The following FAM114A1 variants were observed in gnomAD, a reference collection of about 807,000 sequenced individuals.
The protein encoded by FAM114A1 is protein NOXP20.
In FAM114A1, 62 loss-of-function variants were observed where a neutral mutation model predicts 64.3. That is an observed-to-expected ratio of 0.96 (90% CI 0.79 to 1.19). FAM114A1 has a LOEUF of 1.19. FAM114A1 is among the 50% of genes most tolerant of loss of function. The probability of loss-of-function intolerance (pLI) is 0.00; values close to 1 mark genes in which losing one functional copy is unlikely to be tolerated. For missense variants in FAM114A1, 645 were observed against 676.3 expected, an observed-to-expected ratio of 0.95 and a Z score of 0.51; for synonymous variants, 254 against 251.1, an observed-to-expected ratio of 1.01 and a Z score of -0.11.
intron 3 of FAM114A1, among the ~76,000 whole-genome samples, chr4:38,883,519 C>A (rs992766964): frequency 6.6e-6 from 1 of 152,152 alleles, no homozygotes; most frequent in African/African-American, 2.4e-5. Flanking sequence ...TCAACACCAA[C>A]GCATAAGGCC....
At chr4:38,915,967 G>A (rs1719015747) in intron 8 of FAM114A1, among the ~76,000 whole-genome samples, 1 of 152,202 alleles carries the variant, frequency 6.6e-6, no homozygotes, top group African/African-American at 2.4e-5. Flanking sequence ...CTCCAGAGAG[G>A]GAGGGGCCGT....
chr4:38,878,473 A>G (rs768556010), intron 3 of FAM114A1, 47 bp downstream of exon 3: 4 of 1,513,492 alleles, frequency 2.6e-6, no homozygotes, highest in Non-Finnish European at 3.6e-6. Context: ...TCTTGCTTAT[A>G]TCTACCGTGT....
At chr4:38,931,176 C>G (rs1720596241) in intron 10 of FAM114A1, among the ~76,000 whole-genome samples, 1 of 152,132 alleles carries the variant, frequency 6.6e-6, no homozygotes, top group African/African-American at 2.4e-5. Flanking sequence ...TTATTCTTAT[C>G]TGAATATCAT....
At chr4:38,903,504 A>G (rs1027590005) in intron 4 of FAM114A1, among the ~76,000 whole-genome samples, 8 of 152,194 alleles carry the variant, frequency 5.3e-5, no homozygotes, top group Non-Finnish European at 7.3e-5. Context: ...GCTCTCAGAA[A>G]TCTAGACGAG....
rs1719801767 is a variant in FAM114A1, at chr4:38,923,338, C to T, written c.1069+445C>T. On this transcript the variant is annotated intron_variant, in intron 9 of 14. Coordinates refer to ENST00000358869, the MANE Select transcript of FAM114A1 (RefSeq NM_138389.4). ...TCCCGGGTTCAAGTGATTCTCCTGC[C>T]TCAGTCTCCTGAGTAGCTGGGATAC... Among the ~76,000 whole-genome samples the T allele has an allele frequency of 2.6e-5, 4 of 151,704 alleles. No individual in the cohort carries two copies. In the South Asian group the frequency reaches 8.3e-4, roughly 31 times the overall value.
chr4:38,922,954 G>A, intron 9 of FAM114A1, 61 bp downstream of exon 9: 2 of 1,534,904 alleles, frequency 1.3e-6, no homozygotes, highest in South Asian at 1.3e-5. Flanking sequence ...CGAAACTGCT[G>A]TTAATGAACA....
intron 7 of FAM114A1, among the ~76,000 whole-genome samples, 196 bp downstream of exon 7, chr4:38,908,922 G>A (rs2109691442): frequency 6.6e-6 from 1 of 152,264 alleles, no homozygotes; most frequent in South Asian, 2.1e-4. Flanking sequence ...CCAGTTAACA[G>A]TTCCTTAAGG....
At chr4:38,909,160 A>G (rs1169955160) in intron 7 of FAM114A1, among the ~76,000 whole-genome samples, 2 of 152,208 alleles carry the variant, frequency 1.3e-5, no homozygotes, top group African/African-American at 4.8e-5. Flanking sequence ...TATGCATCCC[A>G]TCTCTACCAC....
intron 7 of FAM114A1, among the ~76,000 whole-genome samples, chr4:38,912,091 C>A (rs1718610297): frequency 6.6e-6 from 1 of 151,876 alleles, no homozygotes; most frequent in Middle Eastern, 3.2e-3. Context: ...GAACTCCTGA[C>A]CTCAAGTGAT....
Position 38,908,674 on chromosome 4 carries a change from C to T in FAM114A1, c.740C>T (p.Pro247Leu), listed in dbSNP as rs756588177. ...KTMNVLAESD[P>L]GFKRTKTLME... ...ATGAATGTCCTTGCAGAAAGTGACCCGGGCTTTAAGCGGACCAAGACGCTC... is the reference window on the plus strand; with the variant it reads ...ATGAATGTCCTTGCAGAAAGTGACCTGGGCTTTAAGCGGACCAAGACGCTC... Residue 247 changes from proline (P) to leucine (L), a missense_variant, in exon 7 of 15, where the codon CCG (proline) becomes CTG (leucine). Transcript: ENST00000358869. 8.1e-6 allele frequency: 13 copies of T among 1,613,222 alleles called. No individual in the cohort carries two copies. The highest frequency in any genetic ancestry group is 1.3e-5 in the African/African-American group (1 of 75,006).
intron 3 of FAM114A1, among the ~76,000 whole-genome samples, chr4:38,890,449 G>A (rs1038722030): frequency 6.6e-6 from 1 of 151,436 alleles, no homozygotes; most frequent in African/African-American, 2.4e-5. Context: ...AGTTGGGGAT[G>A]ACTAATGGAC....
intron 3 of FAM114A1, among the ~76,000 whole-genome samples, chr4:38,882,904 G>A (rs963166035): frequency 1.3e-5 from 2 of 152,236 alleles, no homozygotes; most frequent in African/African-American, 4.8e-5. Context: ...GAGTCAAGGA[G>A]GAGGCCACCT....
chr4:38,932,043 G>A (rs766725490), intron 11 of FAM114A1, among the ~76,000 whole-genome samples, 192 bp from the exon 12 acceptor site: 11 of 152,354 alleles, frequency 7.2e-5, no homozygotes, highest in East Asian at 3.9e-4. Flanking sequence ...TGCCACATCC[G>A]TGGGGGCTTT....
intron 7 of FAM114A1, among the ~76,000 whole-genome samples, chr4:38,911,195 C>G (rs7657170): frequency 6.6e-6 from 1 of 151,996 alleles, no homozygotes; most frequent in Non-Finnish European, 1.5e-5. Context: ...ACCAGGATGC[C>G]GGTCCCACCC....
chr4:38,941,805 A>G (rs527511365), intron 14 of FAM114A1, among the ~76,000 whole-genome samples: 4 of 152,232 alleles, frequency 2.6e-5, no homozygotes, highest in Non-Finnish European at 5.9e-5. Flanking sequence ...TGCATATATC[A>G]TAGGATTTTG....
chr4:38,868,128 G>C, intron 1 of FAM114A1: 1 of 247,556 alleles, frequency 4.0e-6, no homozygotes. Context: ...CACACTCAGG[G>C]TCTGCCCCCT....
At chr4:38,931,048 T>C (rs1274765239) in intron 10 of FAM114A1, among the ~76,000 whole-genome samples, 2 of 152,226 alleles carry the variant, frequency 1.3e-5, no homozygotes, top group African/African-American at 2.4e-5. Context: ...ACATTTGCTG[T>C]AGCCGCGGCC....
intron 9 of FAM114A1, among the ~76,000 whole-genome samples, chr4:38,928,003 G>T (rs939471830): frequency 3.9e-5 from 6 of 152,156 alleles, no homozygotes; most frequent in Non-Finnish European, 8.8e-5. Flanking sequence ...TTTGATTATT[G>T]ATCTGTTTCC....
intron 12 of FAM114A1, among the ~76,000 whole-genome samples, chr4:38,933,346 A>G (rs542583059): frequency 6.6e-6 from 1 of 152,326 alleles, no homozygotes; most frequent in African/African-American, 2.4e-5. Context: ...CAACATATAC[A>G]TGAATAGAGA....
Sources: gnomAD v4.1 joint callset for allele counts (sites outside exome capture counted in the v4.1 genomes callset) on GRCh38, gnomAD v4.1.1 for gene constraint, MANE v1.5 for transcripts, NCBI Gene and HGNC (gene_info 2026-07-23, HGNC 2026-07-21) for gene names.